ZNF423: variants seen among roughly 807,000 people sequenced by gnomAD.
ZNF423 encodes the protein Ebf-associated zinc finger protein.
In ZNF423, 12 loss-of-function variants were observed where a neutral mutation model predicts 95.8. That is an observed-to-expected ratio of 0.13 (90% confidence interval 0.08 to 0.20). The LOEUF (loss-of-function observed/expected upper bound fraction) is 0.20, where lower values mean the gene tolerates loss of function less well. Ranked by LOEUF, ZNF423 falls within the 10% of genes least tolerant of loss-of-function variation. The pLI is 1.00. For synonymous variants in ZNF423, 749 were observed against 711.9 expected (o/e 1.05, Z -0.83); for missense variants, 1,316 against 1,737.1 (o/e 0.76, Z 4.31).
chr16:49,626,125 C>T, intron 5 of ZNF423, 45 bp downstream of exon 5: 1 of 1,597,530 alleles, frequency 6.3e-7, no homozygotes, highest in Middle Eastern at 1.7e-4. Flanking sequence ...AATTTAAAAC[C>T]CCAAAGAGTA....
chr16:49,688,937 C>A (rs1202994818), intron 3 of ZNF423, among the ~76,000 whole-genome samples: 1 of 152,192 alleles, frequency 6.6e-6, no homozygotes, highest in Non-Finnish European at 1.5e-5. Context: ...CCTCCAGATA[C>A]TAGCAAGAGC....
chr16:49,547,021 A>G (rs2151747093), intron 5 of ZNF423, among the ~76,000 whole-genome samples: 1 of 152,170 alleles, frequency 6.6e-6, no homozygotes, highest in Non-Finnish European at 1.5e-5. Context: ...GAAAAAAAAA[A>G]AAAAACAATC....
intron 2 of ZNF423, among the ~76,000 whole-genome samples, chr16:49,737,687 C>A (rs1261404254): frequency 6.6e-6 from 1 of 152,252 alleles, no homozygotes; most frequent in Non-Finnish European, 1.5e-5. Context: ...GGGGACCAGA[C>A]TGCCCACAGG....
intron 1 of ZNF423, among the ~76,000 whole-genome samples, chr16:49,817,502 G>A (rs936656002): frequency 5.9e-5 from 9 of 152,164 alleles, no homozygotes; most frequent in African/African-American, 2.2e-4. Context: ...GACTTTCCAG[G>A]AAGGAAATGC....
chr16:49,561,475 C>G (rs989697054), intron 5 of ZNF423, among the ~76,000 whole-genome samples: 2 of 152,106 alleles, frequency 1.3e-5, no homozygotes, highest in Non-Finnish European at 2.9e-5. Flanking sequence ...TGTATACTCC[C>G]CTTAATCCAT....
At chr16:49,522,032 C>G (rs1597044460) in intron 7 of ZNF423, among the ~76,000 whole-genome samples, 1 of 152,236 alleles carries the variant, frequency 6.6e-6, no homozygotes, top group South Asian at 2.1e-4. Context: ...GAGGGGGAGG[C>G]ACCACTGTGG....
chr16:49,519,593 G>A (rs2151698395), intron 7 of ZNF423, among the ~76,000 whole-genome samples: 1 of 152,260 alleles, frequency 6.6e-6, no homozygotes, highest in East Asian at 1.9e-4. Context: ...GTCTCATTAT[G>A]GAGTTTTGAG....
rs117396791 is a variant in ZNF423 at position 49,522,888 on chromosome 16, T to C, written c.3849+736A>G. ...GTGATCTCTCCAGTGTTGCAAGAAT[T>C]TTTTGCAAAAACCAGTGGGAGAGAA... On this transcript the variant is annotated intron_variant, in intron 7 of 7. Transcript: ENST00000563137. Among the ~76,000 whole-genome samples the C allele has an allele frequency of 3.3e-3, 498 of 152,284 alleles. 1 individual carries two copies. Among genetic ancestry groups the C allele is most frequent in the Non-Finnish European group, 5.8e-3 (396 of 68,012 alleles).
chr16:49,843,698 AGACCTTCAGG>A (rs1597058063), intron 1 of ZNF423, among the ~76,000 whole-genome samples: 1 of 152,160 alleles, frequency 6.6e-6, no homozygotes, highest in East Asian at 1.9e-4. Context: ...ATCTTGACTC[AGACCTTCAGG>A]GAGAATGGGG....
intron 5 of ZNF423, among the ~76,000 whole-genome samples, chr16:49,551,974 A>G (rs1321049308): frequency 6.6e-6 from 1 of 152,176 alleles, no homozygotes; most frequent in South Asian, 2.1e-4. Flanking sequence ...GTGTGCATGC[A>G]CTCATGCGCT....
intron 2 of ZNF423, among the ~76,000 whole-genome samples, chr16:49,783,257 G>A (rs1158314347): frequency 1.3e-5 from 2 of 151,322 alleles, no homozygotes; most frequent in African/African-American, 4.9e-5. Context: ...TGGGATGGGT[G>A]GGAGAGGGGG....
chr16:49,709,524 G>T (rs2032477182), intron 3 of ZNF423, among the ~76,000 whole-genome samples: 1 of 152,136 alleles, frequency 6.6e-6, no homozygotes, highest in African/African-American at 2.4e-5. Flanking sequence ...GGTGCATCTA[G>T]TTCAGCAGCT....
chr16:49,590,029 A>AATATATATATATATATATAT (rs201361462), intron 5 of ZNF423, among the ~76,000 whole-genome samples: 1,108 of 97,346 alleles, frequency 0.011, 87 homozygotes, highest in Non-Finnish European at 0.017. Flanking sequence ...GGAAGTGGCG[A>AATATATATATATATATATAT]ATATATATAT....
At chr16:49,664,121 G>T in intron 3 of ZNF423, 5 of 985,552 alleles carry the variant, frequency 5.1e-6, no homozygotes, top group Non-Finnish European at 4.8e-6. Context: ...GCGTCCCAGG[G>T]CAAACTGGCC....
At chr16:49,850,953 T>C (rs1410974824) in intron 1 of ZNF423, among the ~76,000 whole-genome samples, 2 of 152,046 alleles carry the variant, frequency 1.3e-5, no homozygotes, top group Non-Finnish European at 2.9e-5. Context: ...TCTCAGACCA[T>C]TGTTGAGGAG....
At chr16:49,804,687 G>A (rs979892791) in intron 1 of ZNF423, among the ~76,000 whole-genome samples, 17 of 152,110 alleles carry the variant, frequency 1.1e-4, no homozygotes, top group Non-Finnish European at 5.9e-5. Context: ...CTGCAGCAGG[G>A]TGTAATTGAA....
intron 2 of ZNF423, among the ~76,000 whole-genome samples, chr16:49,755,724 AAATAAT>A (rs568635120): frequency 1.8e-3 from 267 of 152,288 alleles, no homozygotes; most frequent in South Asian, 0.014. Context: ...GTTGGTTAAA[AAATAAT>A]AATAATTAGC....
chr16:49,845,062 A>C (rs1324515982), intron 1 of ZNF423, among the ~76,000 whole-genome samples: 1 of 135,178 alleles, frequency 7.4e-6, no homozygotes, highest in East Asian at 2.1e-4. Flanking sequence ...AAAAAAAAAA[A>C]ACAAATCTTT....
At chr16:49,560,315 C>A (rs1969973916) in intron 5 of ZNF423, among the ~76,000 whole-genome samples, 1 of 152,158 alleles carries the variant, frequency 6.6e-6, no homozygotes, top group African/African-American at 2.4e-5. Context: ...TAAACCCAGG[C>A]CCCAAGTGGC....
Sources: gnomAD v4.1 joint callset for allele counts (sites outside exome capture counted in the v4.1 genomes callset) on GRCh38, gnomAD v4.1.1 for gene constraint, MANE v1.5 for transcripts, NCBI Gene and HGNC (gene_info 2026-07-23, HGNC 2026-07-21) for gene names.